The following DNAH14 variants were observed in gnomAD, a reference collection of about 807,000 sequenced individuals.
DNAH14 encodes the protein axonemal beta dynein heavy chain 14.
Under a neutral mutation model 520.9 loss-of-function variants are expected in DNAH14, and 478 were observed. The observed-to-expected ratio is 0.92, with a 90% CI of 0.85 to 0.99. The LOEUF (loss-of-function observed/expected upper bound fraction) is 0.99. Ranked by LOEUF, DNAH14 falls within the 50% of genes least tolerant of loss-of-function variation. The probability of loss-of-function intolerance (pLI) is 0.00; values close to 1 mark genes in which losing one functional copy is unlikely to be tolerated. For synonymous variants in DNAH14, 1,581 were observed against 1,757.2 expected (o/e 0.90, Z 2.51); for missense variants, 4,831 against 5,234.5 (o/e 0.92, Z 2.38).
intron 27 of DNAH14, among the ~76,000 whole-genome samples, chr1:225,130,202 C>A (rs1490942382): frequency 6.6e-6 from 1 of 151,326 alleles, no homozygotes; most frequent in Non-Finnish European, 1.5e-5. Context: ...GAAATAGGAA[C>A]ACTTTTACAC....
chr1:225,056,936 T>C (rs1176283832), intron 17 of DNAH14, among the ~76,000 whole-genome samples: 3 of 152,238 alleles, frequency 2.0e-5, no homozygotes, highest in Non-Finnish European at 2.9e-5. Flanking sequence ...TACTGTAGCC[T>C]TGTAGTATAG....
At chr1:225,222,403 A>C (rs2090126440) in intron 41 of DNAH14, among the ~76,000 whole-genome samples, 1 of 152,084 alleles carries the variant, frequency 6.6e-6, no homozygotes, top group Non-Finnish European at 1.5e-5. Context: ...GTGGACCTTC[A>C]CAGTAAGTGT....
chr1:225,393,825 G>GTT (rs1220116893), intron 84 of DNAH14, among the ~76,000 whole-genome samples: 5 of 125,590 alleles, frequency 4.0e-5, no homozygotes, highest in African/African-American at 1.3e-4. Flanking sequence ...TTTTTTTTTT[G>GTT]TTTTTTTTTT....
At chr1:225,267,329 C>G in intron 49 of DNAH14, among the ~76,000 whole-genome samples, 1 of 137,732 alleles carries the variant, frequency 7.3e-6, no homozygotes, top group Non-Finnish European at 1.5e-5. Flanking sequence ...GAATCTCGCT[C>G]TGTCACCAAG....
chr1:225,293,641 C>A (rs913839886), intron 55 of DNAH14, among the ~76,000 whole-genome samples: 10 of 152,028 alleles, frequency 6.6e-5, no homozygotes, highest in Admixed American at 5.9e-4. Context: ...CAGAGGGGAA[C>A]CATACACACT....
chr1:225,082,452 A>G (rs973229882), intron 19 of DNAH14, 97 bp from the exon 20 acceptor site: 18 of 996,664 alleles, frequency 1.8e-5, no homozygotes, highest in Non-Finnish European at 2.4e-5. Flanking sequence ...AGTAGTTTTT[A>G]ACAAATTTTA....
At chr1:225,110,179 G>A (rs1358001616) in intron 23 of DNAH14, among the ~76,000 whole-genome samples, 1 of 152,020 alleles carries the variant, frequency 6.6e-6, no homozygotes, top group Admixed American at 6.6e-5. Context: ...TTTAGTATCA[G>A]GGTAATACCG....
At chr1:225,251,023 G>T (rs571234751) in intron 43 of DNAH14, among the ~76,000 whole-genome samples, 1 of 152,074 alleles carries the variant, frequency 6.6e-6, no homozygotes, top group Non-Finnish European at 1.5e-5. Flanking sequence ...ATGGTATTTT[G>T]TTATGGCAGC....
At chr1:225,335,065 T>C (rs1356452167) in intron 66 of DNAH14, among the ~76,000 whole-genome samples, 1 of 149,102 alleles carries the variant, frequency 6.7e-6, no homozygotes, top group Non-Finnish European at 1.5e-5. Context: ...TACATATATG[T>C]ATATATAACG....
chr1:225,272,590 T>G (rs1469606991), intron 51 of DNAH14, among the ~76,000 whole-genome samples: 1 of 152,206 alleles, frequency 6.6e-6, no homozygotes, highest in Admixed American at 6.5e-5. Context: ...TATAACATTT[T>G]TAATCCAAAT....
intron 10 of DNAH14, among the ~76,000 whole-genome samples, chr1:225,010,134 G>A (rs566464680): frequency 6.6e-6 from 1 of 152,228 alleles, no homozygotes; most frequent in Admixed American, 6.5e-5. Context: ...ATATTATGTT[G>A]AATAGGAGTG....
chr1:225,100,277 G>C (rs2075334749), intron 22 of DNAH14, among the ~76,000 whole-genome samples: 1 of 152,034 alleles, frequency 6.6e-6, no homozygotes, highest in Non-Finnish European at 1.5e-5. Context: ...CTTCTAAGCT[G>C]AATGCCCCCT....
At chr1:225,228,948 AGAG>A (rs1240900545) in intron 41 of DNAH14, among the ~76,000 whole-genome samples, 4 of 152,212 alleles carry the variant, frequency 2.6e-5, no homozygotes, top group African/African-American at 9.6e-5. Flanking sequence ...AAAGGAATGT[AGAG>A]GAGTTTATCT....
intron 36 of DNAH14, among the ~76,000 whole-genome samples, chr1:225,168,489 C>T (rs1454291281): frequency 2.0e-5 from 3 of 152,216 alleles, no homozygotes; most frequent in African/African-American, 2.4e-5. Flanking sequence ...GCAAACAGCA[C>T]ACCAGGAGAT....
At chr1:225,158,393 TATTCTCAGTACTGC>T (rs1485507122) in intron 34 of DNAH14, among the ~76,000 whole-genome samples, 1 of 152,182 alleles carries the variant, frequency 6.6e-6, no homozygotes, top group African/African-American at 2.4e-5. Context: ...TTGTCTGAGA[TATTCTCAGTACTGC>T]AGTCCTCCAT....
rs1364186510 is a variant in DNAH14 at position 225,079,488 on chromosome 1, A to G, written c.2706A>G (p.Arg902=). The stretch of plus-strand genomic sequence containing the variant: ...AAGACACTGCTATAACTAAATTCAG[A>G]GATAACTTGGAAGCATGTATCAGTG... ...INKDTAITKF[R]DNLEACISGL... Residue 902 remains arginine, a synonymous_variant, in exon 18 of 86, where the codon AGA becomes AGG. Coordinates refer to ENST00000682510, the MANE Select transcript of DNAH14 (RefSeq NM_001367479.1). 6 of 1,541,810 alleles carry G rather than the reference A, an allele frequency of 3.9e-6. No individual in the cohort carries two copies. Among genetic ancestry groups the G allele is most frequent in the East Asian group, 2.5e-5 (1 of 40,814 alleles).
intron 61 of DNAH14, among the ~76,000 whole-genome samples, chr1:225,319,754 T>G: frequency 6.6e-6 from 1 of 152,134 alleles, no homozygotes; most frequent in Admixed American, 6.6e-5. Context: ...CAGTTAACGG[T>G]TGTGGAAACT....
intron 84 of DNAH14, among the ~76,000 whole-genome samples, chr1:225,395,455 A>G (rs1353867397): frequency 6.6e-5 from 10 of 151,836 alleles, no homozygotes; most frequent in East Asian, 1.9e-4. Context: ...AGCCGGGCGT[A>G]GTGGCGGGCG....
chr1:224,976,425 G>A (rs947807033), intron 8 of DNAH14, among the ~76,000 whole-genome samples: 2 of 152,090 alleles, frequency 1.3e-5, no homozygotes, highest in Non-Finnish European at 2.9e-5. Flanking sequence ...ACATAGGCTT[G>A]GGCAAGGACT....
Sources: gnomAD v4.1 joint callset for allele counts (sites outside exome capture counted in the v4.1 genomes callset) on GRCh38, gnomAD v4.1.1 for gene constraint, MANE v1.5 for transcripts, NCBI Gene and HGNC (gene_info 2026-07-23, HGNC 2026-07-21) for gene names.